GRAMD4: variants seen among roughly 807,000 people sequenced by gnomAD.
GRAMD4 encodes the protein GRAM domain containing 4, also known as GRAM domain-containing protein 4.
GRAMD4 carries 25 observed loss-of-function variants against 83.9 expected under a neutral mutation model. The observed-to-expected ratio is 0.30, with a 90% CI of 0.22 to 0.42. GRAMD4 has a LOEUF of 0.42. GRAMD4 is among the 10% of genes least tolerant of loss of function. The probability of loss-of-function intolerance (pLI) is 1.00; values close to 1 mark genes in which losing one functional copy is unlikely to be tolerated. For missense variants in GRAMD4, 593 were observed against 788.7 expected (o/e 0.75, Z 2.97); for synonymous variants, 336 against 320.9 (o/e 1.05, Z -0.50).
chr22:46,607,282 C>T (rs1436807040), intron 1 of GRAMD4, among the ~76,000 whole-genome samples: 1 of 152,140 alleles, frequency 6.6e-6, no homozygotes, highest in East Asian at 1.9e-4. Flanking sequence ...CAACATGGCA[C>T]GTGCATACCT....
At chr22:46,582,389 C>T (rs1005252734) in intron 1 of GRAMD4, among the ~76,000 whole-genome samples, 8 of 152,080 alleles carry the variant, frequency 5.3e-5, no homozygotes, top group African/African-American at 1.7e-4. Context: ...GTTCCCCTGC[C>T]GGCCGTTCCT....
chr22:46,626,431 C>T (rs2081660386), intron 1 of GRAMD4, among the ~76,000 whole-genome samples: 1 of 152,240 alleles, frequency 6.6e-6, no homozygotes, highest in South Asian at 2.1e-4. Context: ...GAGCCGGGGG[C>T]CTCGCTTGGT....
In GRAMD4 at chr22:46,622,386, C is replaced by T. The variant is rs1161941231; in HGVS notation, c.-50+1821C>T. 6.6e-6 allele frequency among the ~76,000 whole-genome samples: 1 copy of T among 152,284 alleles called. No individual in the cohort carries two copies. Among genetic ancestry groups the T allele is most frequent in the African/African-American group, 2.4e-5 (1 of 41,564 alleles). On this transcript the variant is annotated intron_variant, in intron 1 of 18. Coordinates refer to ENST00000406902, the MANE Select transcript of GRAMD4 (RefSeq NM_015124.5). The surrounding 1 kb of genome is among the most constrained non-coding windows in gnomAD (Gnocchi z 4.0). ...CTCAGCTGCCGCAACCAGGAGGACT[C>T]GCCGGGTTTTTGAAAATGGAAGGAA...
At chr22:46,612,175 T>C (rs1014765314) in intron 1 of GRAMD4, among the ~76,000 whole-genome samples, 16 of 152,164 alleles carry the variant, frequency 1.1e-4, no homozygotes, top group East Asian at 3.9e-4. Context: ...GGCTAACTTA[T>C]CTTTTATTTT....
At chr22:46,661,871 A>G (rs568971979) in intron 5 of GRAMD4, among the ~76,000 whole-genome samples, 1 of 152,124 alleles carries the variant, frequency 6.6e-6, no homozygotes. Flanking sequence ...TTGGGGGTTC[A>G]TGTGCCCTTT....
chr22:46,590,540 T>C (rs926134070), intron 1 of GRAMD4, among the ~76,000 whole-genome samples: 3 of 152,130 alleles, frequency 2.0e-5, no homozygotes, highest in African/African-American at 7.2e-5. Flanking sequence ...AGTCAGCTGG[T>C]GTCTGCCTGT....
intron 1 of GRAMD4, among the ~76,000 whole-genome samples, chr22:46,601,613 C>T (rs1176171669): frequency 4.6e-5 from 7 of 151,800 alleles, no homozygotes; most frequent in East Asian, 1.9e-4. Context: ...TCTGGCAACA[C>T]GGTGAAACCC....
chr22:46,671,204 G>C lies in GRAMD4; in HGVS notation c.1085-1639G>C, dbSNP rs141847658. 199 of 413,976 alleles carry C rather than the reference G, an allele frequency of 4.8e-4. 1 individual carries two copies. The highest frequency in any genetic ancestry group is 3.6e-3 in the African/African-American group (175 of 49,064). 25.6% of individuals were successfully genotyped at this position (413,976 alleles called of 1,614,324 possible). ...GGGAGCTCAGTCCAGTCAGCCAAGGGGGTGGTCCTGGCCCTGCCCCTCCTC... is the reference window on the plus strand; with the variant it reads ...GGGAGCTCAGTCCAGTCAGCCAAGGCGGTGGTCCTGGCCCTGCCCCTCCTC... On this transcript the variant is annotated intron_variant, in intron 13 of 18. Coordinates refer to ENST00000406902, the MANE Select transcript of GRAMD4 (RefSeq NM_015124.5).
chr22:46,587,637 C>T (rs1283380284), intron 1 of GRAMD4, among the ~76,000 whole-genome samples: 7 of 151,718 alleles, frequency 4.6e-5, no homozygotes, highest in Admixed American at 4.6e-4. Context: ...GTGGGCAAGG[C>T]TCCGTCCTGT....
intron 8 of GRAMD4, 117 bp downstream of exon 8, chr22:46,664,234 C>T: frequency 1.3e-6 from 1 of 746,334 alleles, no homozygotes; most frequent in African/African-American, 1.7e-5. Flanking sequence ...CTTCCTCAGG[C>T]CCCAGGGACA....
At chr22:46,623,410 CAG>C (rs2081605858) in intron 1 of GRAMD4, among the ~76,000 whole-genome samples, 1 of 152,162 alleles carries the variant, frequency 6.6e-6, no homozygotes, top group East Asian at 1.9e-4. Flanking sequence ...TTTTTTGACA[CAG>C]AGTCTCACGC....
intron 2 of GRAMD4, among the ~76,000 whole-genome samples, chr22:46,636,818 G>A (rs944624201): frequency 2.0e-5 from 3 of 152,198 alleles, no homozygotes; most frequent in Admixed American, 2.0e-4. Flanking sequence ...GGTGTGGAAC[G>A]GCCGCCTGTG....
chr22:46,652,023 G>C (rs897951834), intron 3 of GRAMD4, among the ~76,000 whole-genome samples: 3 of 152,162 alleles, frequency 2.0e-5, no homozygotes, highest in Non-Finnish European at 4.4e-5. Flanking sequence ...CTAGGCACTT[G>C]GTTCCTTTGC....
Position 46,673,715 on chromosome 22 carries a change from G to A in GRAMD4, c.1285G>A (p.Gly429Ser), listed in dbSNP as rs761767100. 1.6e-5 allele frequency: 25 copies of A among 1,612,704 alleles called. No individual in the cohort carries two copies. In the East Asian group the frequency reaches 1.8e-4, roughly 11 times the overall value. ...SRSYVPSAPA[G>S]LGKEEDAGRF... ...GAGCTACGTACCCAGCGCACCGGCC[G>A]GCCTGGGTAAAGAGGAGGACGCCGG... Residue 429 changes from glycine (G) to serine (S), a missense_variant, in exon 15 of 19, where the codon GGC becomes AGC. By Grantham distance (56) the Gly-to-Ser change is moderately conservative (BLOSUM62 0). This residue lies in a region of GRAMD4 where 171 missense variants were observed against 199.6 expected (regional missense o/e 0.86). Transcript: ENST00000406902.
chr22:46,674,577 C>T, intron 15 of GRAMD4, 80 bp from the exon 16 acceptor site: 2 of 982,938 alleles, frequency 2.0e-6, no homozygotes, highest in South Asian at 2.6e-5. Context: ...ATCTGAGAGT[C>T]AGGCTCCTGG....
intron 5 of GRAMD4, 88 bp downstream of exon 5, chr22:46,661,530 G>A (rs1219554706): frequency 4.3e-6 from 4 of 924,568 alleles, no homozygotes; most frequent in Non-Finnish European, 6.9e-6. Flanking sequence ...GGTTAACAAT[G>A]GAGCAGATAC....
At chr22:46,602,389 A>G (rs896799171) in intron 1 of GRAMD4, among the ~76,000 whole-genome samples, 2 of 152,104 alleles carry the variant, frequency 1.3e-5, no homozygotes, top group African/African-American at 4.8e-5. Flanking sequence ...TTTAGTTTGT[A>G]TTTATCGGCT....
At chr22:46,665,971 C>T (rs1179190439) in intron 9 of GRAMD4, among the ~76,000 whole-genome samples, 2 of 152,216 alleles carry the variant, frequency 1.3e-5, no homozygotes, top group East Asian at 1.9e-4. Context: ...AGCACCTGCC[C>T]GAACATCGCA....
chr22:46,593,971 C>T (rs1030927760), intron 1 of GRAMD4, among the ~76,000 whole-genome samples: 3 of 151,930 alleles, frequency 2.0e-5, no homozygotes, highest in Non-Finnish European at 2.9e-5. Flanking sequence ...GTGATCTGCC[C>T]GCCTCGGCCT....
Sources: allele counts gnomAD v4.1 joint callset (sites outside exome capture counted in the v4.1 genomes callset), GRCh38; gene constraint gnomAD v4.1.1; regional missense constraint gnomAD v4.1.1; non-coding constraint Gnocchi (gnomAD v3.1); transcripts MANE v1.5; gene names NCBI Gene and HGNC (gene_info 2026-07-23, HGNC 2026-07-21).